ZNF254: variants seen among roughly 807,000 people sequenced by gnomAD.
ZNF254 encodes the protein zinc finger protein 254, also known as CTD-2017D11.1.
Under a neutral mutation model 12.4 loss-of-function variants are expected in ZNF254, and 10 were observed. That is an observed-to-expected ratio of 0.80 (90% CI 0.50 to 1.36). The LOEUF (loss-of-function observed/expected upper bound fraction) is 1.36. Among genes scored for constraint, ZNF254 ranks in the 40% most tolerant of loss-of-function variants. The pLI is 0.00. For missense variants in ZNF254, 996 were observed against 763.9 expected (o/e 1.30, Z -3.58); for synonymous variants, 305 against 253.4 (o/e 1.20, Z -1.93).
At chr19:24,056,480 G>A (rs1970860217) in intron 2 of ZNF254, among the ~76,000 whole-genome samples, 1 of 152,076 alleles carries the variant, frequency 6.6e-6, no homozygotes, top group Non-Finnish European at 1.5e-5. Flanking sequence ...ATATTGTGGA[G>A]CTCTATGCCA....
chr19:24,091,528 C>T (rs1400713089), intron 1 of ZNF254, among the ~76,000 whole-genome samples: 4 of 151,620 alleles, frequency 2.6e-5, no homozygotes, highest in African/African-American at 4.8e-5. Context: ...AGTTGCACTG[C>T]GACACCCAGG....
intron 2 of ZNF254, chr19:24,079,928 C>G (rs932732392): frequency 3.3e-5 from 5 of 152,110 alleles, no homozygotes; most frequent in African/African-American, 1.2e-4. Context: ...TTTCTCAGGG[C>G]AAAGATGACA....
chr19:24,042,901 G>C (rs1432026889), intron 1 of ZNF254, among the ~76,000 whole-genome samples: 2 of 152,138 alleles, frequency 1.3e-5, no homozygotes, highest in African/African-American at 4.8e-5. Context: ...TCACTATAAA[G>C]TTATTTTTCT....
intron 1 of ZNF254, among the ~76,000 whole-genome samples, chr19:24,091,402 A>AATT (rs1339926819): frequency 6.6e-6 from 1 of 152,164 alleles, no homozygotes; most frequent in East Asian, 1.9e-4. Flanking sequence ...TTGATGAGTT[A>AATT]AATAGATTCC....
intron 3 of ZNF254, among the ~76,000 whole-genome samples, chr19:24,124,196 A>G (rs1974675554): frequency 6.6e-6 from 1 of 152,094 alleles, no homozygotes; most frequent in East Asian, 1.9e-4. Context: ...ACAACAACAT[A>G]TTTTAATCTG....
At chr19:24,051,815 T>C (rs1970658043) in intron 2 of ZNF254, among the ~76,000 whole-genome samples, 1 of 152,132 alleles carries the variant, frequency 6.6e-6, no homozygotes, top group Non-Finnish European at 1.5e-5. Flanking sequence ...GCCCAGCACA[T>C]AGGTGATGTG....
intron 2 of ZNF254, among the ~76,000 whole-genome samples, chr19:24,070,575 T>C (rs1971445761): frequency 6.6e-6 from 1 of 152,178 alleles, no homozygotes; most frequent in African/African-American, 2.4e-5. Context: ...TTCATCCATA[T>C]TGAGATTGTG....
At chr19:24,069,796 CA>C (rs1971417828) in intron 2 of ZNF254, among the ~76,000 whole-genome samples, 1 of 150,534 alleles carries the variant, frequency 6.6e-6, no homozygotes, top group African/African-American at 2.4e-5. Context: ...ACTAAAAATA[CA>C]AAAAATTAGC....
chr19:24,101,914 G>A (rs1568457298), intron 1 of ZNF254, among the ~76,000 whole-genome samples: 2 of 152,256 alleles, frequency 1.3e-5, no homozygotes, highest in Admixed American at 6.5e-5. Context: ...AGCTGTCTTC[G>A]GTTGGTACCC....
At position 24,127,176 on chromosome 19, in the gene ZNF254, T is replaced by C. The variant is rs374038713; in HGVS notation, c.1176T>C (p.Thr392=). Residue 392 remains threonine, a synonymous_variant, in exon 4 of 4, where the codon ACT becomes ACC. Coordinates refer to ENST00000357002, the MANE Select transcript of ZNF254 (RefSeq NM_203282.4). The part of the protein sequence containing the change: ...ECGKAFKQLS[T]LTTHKIIHVG... Reference sequence around the variant, plus strand: ...GCAAAGCTTTTAAGCAACTCTCAACTCTTACTACACATAAAATAATTCATG... The same window carrying C: ...GCAAAGCTTTTAAGCAACTCTCAACCCTTACTACACATAAAATAATTCATG... 2 of 1,612,674 alleles carry C rather than the reference T, an allele frequency of 1.2e-6. No individual in the cohort carries two copies. Among genetic ancestry groups the C allele is most frequent in the Non-Finnish European group, 1.7e-6 (2 of 1,179,586 alleles).
At chr19:24,073,051 T>C (rs900348862) in intron 2 of ZNF254, among the ~76,000 whole-genome samples, 1 of 152,222 alleles carries the variant, frequency 6.6e-6, no homozygotes, top group African/African-American at 2.4e-5. Context: ...GGGTCTTCTC[T>C]AGATAATGTC....
chr19:24,056,986 A>G (rs888315), intron 2 of ZNF254, among the ~76,000 whole-genome samples: 22,516 of 152,134 alleles, frequency 0.15, 1,912 homozygotes, highest in Middle Eastern at 0.23. Flanking sequence ...GATCATAGGC[A>G]CAATGTTGGC....
intron 2 of ZNF254, among the ~76,000 whole-genome samples, chr19:24,063,531 A>G (rs1323463350): frequency 1.3e-5 from 2 of 152,128 alleles, no homozygotes; most frequent in Admixed American, 1.3e-4. Context: ...TGCCCTAAAC[A>G]CATAGCCTGA....
chr19:24,040,527 T>C (rs973578180), intron 1 of ZNF254, among the ~76,000 whole-genome samples: 2 of 152,144 alleles, frequency 1.3e-5, no homozygotes, highest in African/African-American at 2.4e-5. Context: ...CATCTGTCTG[T>C]ATTTAGCTTT....
chr19:24,059,576 C>T (rs891979521), intron 2 of ZNF254, among the ~76,000 whole-genome samples: 1 of 152,130 alleles, frequency 6.6e-6, no homozygotes, highest in Non-Finnish European at 1.5e-5. Context: ...ATTGCTTAGC[C>T]AGGATCCTAG....
intron 1 of ZNF254, among the ~76,000 whole-genome samples, chr19:24,089,098 T>A (rs1161590638): frequency 7.0e-6 from 1 of 143,728 alleles, no homozygotes; most frequent in Non-Finnish European, 1.5e-5. Flanking sequence ...TGCCTCAGCC[T>A]CCCTAGTAAC....
At chr19:24,111,046 C>T (rs1973643840) in intron 3 of ZNF254, among the ~76,000 whole-genome samples, 1 of 151,826 alleles carries the variant, frequency 6.6e-6, no homozygotes, top group Non-Finnish European at 1.5e-5. Flanking sequence ...TGGTGTGCTG[C>T]ACCCATTAGC....
intron 1 of ZNF254, among the ~76,000 whole-genome samples, chr19:24,044,595 A>G (rs555788553): frequency 9.3e-4 from 141 of 152,228 alleles, no homozygotes; most frequent in African/African-American, 3.3e-3. Context: ...ATATTCTTAT[A>G]TTGATTCGTG....
At position 24,088,062 on chromosome 19, in the gene ZNF254, C is replaced by T. The variant is rs188905551; in HGVS notation, c.30+725C>T. Among the ~76,000 whole-genome samples, 743 of 151,818 alleles carry T rather than the reference C, an allele frequency of 4.9e-3. 6 individuals carry two copies. The highest frequency in any genetic ancestry group is 0.017 in the African/African-American group (690 of 41,404). ...TCCCTAGTAGCTGGGACTACAGGCG[C>T]CCGCCACCACAATTTTTTTATTTTT... On this transcript the variant is annotated intron_variant, in intron 1 of 3. Coordinates refer to ENST00000357002, the MANE Select transcript of ZNF254 (RefSeq NM_203282.4).
Sources: gnomAD v4.1 joint callset for allele counts (sites outside exome capture counted in the v4.1 genomes callset) on GRCh38, gnomAD v4.1.1 for gene constraint, MANE v1.5 for transcripts, NCBI Gene and HGNC (gene_info 2026-07-23, HGNC 2026-07-21) for gene names.